Variants in PPARGC1B observed in about 807,000 individuals in gnomAD.
PPARGC1B encodes the protein peroxisome proliferator-activated receptor gamma coactivator 1-beta.
Under a neutral mutation model 101.6 loss-of-function variants are expected in PPARGC1B, and 34 were observed. The observed-to-expected ratio is 0.33, with a 90% CI of 0.25 to 0.45. The LOEUF (loss-of-function observed/expected upper bound fraction) is 0.45. Among genes scored for constraint, PPARGC1B ranks in the 20% least tolerant of loss-of-function variants. PPARGC1B has a pLI of 1.00. For missense variants in PPARGC1B, 1,234 were observed against 1,317.6 expected (o/e 0.94, Z 0.98); for synonymous variants, 548 against 539.3 (o/e 1.02, Z -0.22).
chr5:149,756,489 G>A (rs1417478860), intron 1 of PPARGC1B, among the ~76,000 whole-genome samples: 1 of 152,088 alleles, frequency 6.6e-6, no homozygotes, highest in Non-Finnish European at 1.5e-5. Context: ...AAAACAACAA[G>A]CAAACAAACA....
At chr5:149,799,359 C>T (rs1031741033) in intron 1 of PPARGC1B, among the ~76,000 whole-genome samples, 1 of 152,176 alleles carries the variant, frequency 6.6e-6, no homozygotes, top group Non-Finnish European at 1.5e-5. Flanking sequence ...CTTCTCCTCC[C>T]CACCCCTAAG....
At chr5:149,816,055 C>A (rs1189320678) in intron 1 of PPARGC1B, among the ~76,000 whole-genome samples, 1 of 152,170 alleles carries the variant, frequency 6.6e-6, no homozygotes, top group African/African-American at 2.4e-5. Flanking sequence ...CGGGACAGGA[C>A]AAGAAGGCCT....
Position 149,730,389 on chromosome 5 carries a change from C to T in PPARGC1B, c.47C>T (p.Ser16Phe). 6.4e-7 allele frequency: 1 copy of T among 1,574,294 alleles called. No individual in the cohort carries two copies. The highest frequency in any genetic ancestry group is 1.2e-5 in the South Asian group (1 of 84,852). Residue 16 changes from serine (S) to phenylalanine (F), a missense_variant, in exon 1 of 12, where the codon TCC becomes TTC. Coordinates refer to ENST00000309241, the MANE Select transcript of PPARGC1B (RefSeq NM_133263.4). This position sits in a 1 kb window ranked among gnomAD's most constrained non-coding sequence, Gnocchi z 4.0. ...CGALLDEELS[S>F]FFLNYLADTQ... ...GCGCTGCTGGACGAAGAGCTCTCCTCCTTCTTCCTCAACTATCTCGCTGAC... is the reference window on the plus strand; with the variant it reads ...GCGCTGCTGGACGAAGAGCTCTCCTTCTTCTTCCTCAACTATCTCGCTGAC...
chr5:149,784,556 G>GTTTTTTTTTTTTT (rs1561535294), intron 1 of PPARGC1B, among the ~76,000 whole-genome samples: 1 of 111,630 alleles, frequency 9.0e-6, no homozygotes, highest in Non-Finnish European at 1.9e-5. Flanking sequence ...AGCCAACTGA[G>GTTTTTTTTTTTTT]TTTCTTTTTT....
chr5:149,736,736 G>A (rs1754725679), intron 1 of PPARGC1B, among the ~76,000 whole-genome samples: 1 of 152,024 alleles, frequency 6.6e-6, no homozygotes, highest in Admixed American at 6.6e-5. Flanking sequence ...CATCTCCCAT[G>A]GCTCCTCAGT....
rs146458635 is a variant in PPARGC1B, at chr5:149,765,594, T to C, written c.78+35174T>C. 6.2e-3 allele frequency among the ~76,000 whole-genome samples: 945 copies of C among 152,202 alleles called. 6 individuals are homozygous for C. Among genetic ancestry groups the C allele is most frequent in the Non-Finnish European group, 0.011 (743 of 68,012 alleles). On this transcript the variant is annotated intron_variant, in intron 1 of 11. Transcript: ENST00000309241. ...CCCCTCTGAGACTTCAGTTCCTTAT[T>C]TCTAAACATCGACCAGCACTTTGGG...
At chr5:149,835,420 C>A in intron 7 of PPARGC1B, 55 bp downstream of exon 7, 2 of 1,508,426 alleles carry the variant, frequency 1.3e-6, no homozygotes, top group South Asian at 1.1e-5. Flanking sequence ...CCGTGCATCT[C>A]TGAGTTTTTC....
chr5:149,797,192 G>C (rs1757254834), intron 1 of PPARGC1B, among the ~76,000 whole-genome samples: 1 of 152,192 alleles, frequency 6.6e-6, no homozygotes, highest in Admixed American at 6.5e-5. Context: ...ATCAGAGCCT[G>C]GGATAACCTA....
chr5:149,804,443 G>A (rs1023402592), intron 1 of PPARGC1B, among the ~76,000 whole-genome samples: 2 of 152,234 alleles, frequency 1.3e-5, no homozygotes, highest in African/African-American at 4.8e-5. Context: ...CGAGGCTGAG[G>A]TGGGTAGATC....
At chr5:149,734,321 CAAAAAAAAAAAAAAA>C (rs1221455764) in intron 1 of PPARGC1B, among the ~76,000 whole-genome samples, 2 of 64,512 alleles carry the variant, frequency 3.1e-5, no homozygotes, top group African/African-American at 1.3e-4. Context: ...AACTCATTCT[CAAAAAAAAAAAAAAA>C]AAAAAAAAAG....
At chr5:149,739,649 G>C (rs1035891719) in intron 1 of PPARGC1B, among the ~76,000 whole-genome samples, 1 of 152,182 alleles carries the variant, frequency 6.6e-6, no homozygotes, top group Non-Finnish European at 1.5e-5. Flanking sequence ...GGAGGGCCAG[G>C]GTGGGTAGTC....
intron 1 of PPARGC1B, among the ~76,000 whole-genome samples, chr5:149,763,526 GTTTTTTTT>G (rs70973540): frequency 1.5e-5 from 1 of 67,678 alleles, no homozygotes; most frequent in African/African-American, 6.0e-5. Flanking sequence ...TTCACTCCTG[GTTTTTTTT>G]TTTTTTTTTT....
In PPARGC1B at chr5:149,845,905, A is replaced by T. The variant is rs895607904; in HGVS notation, c.2962A>T (p.Thr988Ser). 1.9e-6 allele frequency: 3 copies of T among 1,614,216 alleles called. No individual in the cohort carries two copies. Among genetic ancestry groups the T allele is most frequent in the Non-Finnish European group, 2.5e-6 (3 of 1,180,050 alleles). The change falls in exon 11 of 12, where the codon ACT becomes TCT. Residue 988 changes from threonine to serine, a missense_variant. Around this residue, in one of 3 missense-constraint regions of PPARGC1B, gnomAD observed 497 missense variants for 529.5 expected, o/e 0.94. Transcript: ENST00000309241. ...GLRHFCWPRYTDYDSNSEEAL... is the reference protein window; with the variant it reads ...GLRHFCWPRYSDYDSNSEEAL... Reference sequence around the variant, plus strand: ...CCGGCACTTCTGCTGGCCCAGATACACTGACTACGGTAAGCCCCTGAAACC... The same window carrying T: ...CCGGCACTTCTGCTGGCCCAGATACTCTGACTACGGTAAGCCCCTGAAACC...
At chr5:149,799,687 GTTGTTGTTT>G (rs1436662516) in intron 1 of PPARGC1B, among the ~76,000 whole-genome samples, 49 of 85,448 alleles carry the variant, frequency 5.7e-4, no homozygotes, top group African/African-American at 1.9e-3. Context: ...TTGTTTGCTT[GTTGTTGTTT>G]TTTTTTTTTT....
At position 149,849,621 on chromosome 5, in the gene PPARGC1B, T is replaced by C. The variant is rs1269299370; in HGVS notation, c.*2063T>C. On this transcript the variant is annotated 3_prime_UTR_variant, in exon 12 of 12. Coordinates refer to ENST00000309241, the MANE Select transcript of PPARGC1B (RefSeq NM_133263.4). ...TGATTAGAGTTCAATCTATTTGACA[T>C]CTTGGGCTAATCTTTGGAAGGTTTC... is the stretch of plus-strand genomic sequence containing the variant. 2.6e-5 allele frequency: 4 copies of C among 152,232 alleles called. No individual in the cohort carries two copies. The highest frequency in any genetic ancestry group is 4.4e-5 in the Non-Finnish European group (3 of 68,048). The allele number at this position is 152,232 out of a possible 1,614,324, so 9.4% of individuals were successfully genotyped here.
At chr5:149,825,423 C>T (rs780339836) in intron 2 of PPARGC1B, among the ~76,000 whole-genome samples, 30 of 152,228 alleles carry the variant, frequency 2.0e-4, no homozygotes, top group Non-Finnish European at 3.8e-4. Flanking sequence ...TTCAGCCAAG[C>T]GCTGTGCCTC....
chr5:149,808,997 C>G (rs1350469725), intron 1 of PPARGC1B, among the ~76,000 whole-genome samples: 1 of 152,036 alleles, frequency 6.6e-6, no homozygotes, highest in Non-Finnish European at 1.5e-5. Flanking sequence ...TAAAATGGGC[C>G]AGGCATGGTG....
chr5:149,786,054 C>T (rs1459298906), intron 1 of PPARGC1B, among the ~76,000 whole-genome samples: 1 of 151,996 alleles, frequency 6.6e-6, no homozygotes, highest in Admixed American at 6.6e-5. Flanking sequence ...TCCCCAGTAG[C>T]TGGGATTACA....
chr5:149,758,325 T>A (rs1755608222), intron 1 of PPARGC1B, among the ~76,000 whole-genome samples: 2 of 152,260 alleles, frequency 1.3e-5, no homozygotes, highest in Non-Finnish European at 2.9e-5. Context: ...TCCTCTTGTC[T>A]GTTCATTTAT....
Sources: allele counts gnomAD v4.1 joint callset (sites outside exome capture counted in the v4.1 genomes callset), GRCh38; gene constraint gnomAD v4.1.1; regional missense constraint gnomAD v4.1.1; non-coding constraint Gnocchi (gnomAD v3.1); transcripts MANE v1.5; gene names NCBI Gene and HGNC (gene_info 2026-07-23, HGNC 2026-07-21).